Variants in RB1CC1 observed in about 807,000 individuals in gnomAD.
RB1CC1 encodes the protein RB1-inducible coiled-coil protein 1.
RB1CC1 carries 46 observed loss-of-function variants against 177.5 expected under a neutral mutation model. The ratio of observed to expected loss-of-function variants is 0.26; its 90% CI spans 0.20 to 0.33. RB1CC1 has a LOEUF of 0.33. Among genes scored for constraint, RB1CC1 ranks in the 10% least tolerant of loss-of-function variants. The pLI, the probability that RB1CC1 is intolerant of heterozygous loss-of-function variation, is 1.00. For missense variants in RB1CC1, 1,703 were observed against 1,816.3 expected (o/e 0.94, Z 1.13); for synonymous variants, 666 against 613.6 (o/e 1.09, Z -1.26).
At chr8:52,682,168 G>A (rs182058113) in intron 5 of RB1CC1, among the ~76,000 whole-genome samples, 13 of 152,324 alleles carry the variant, frequency 8.5e-5, no homozygotes, top group African/African-American at 2.6e-4. Context: ...TCTTGTATTA[G>A]TGAGACCTAG....
chr8:52,675,712 TCCAAAAAAAAAAA>T (rs1853048307), intron 6 of RB1CC1, among the ~76,000 whole-genome samples: 1 of 48,422 alleles, frequency 2.1e-5, no homozygotes, highest in Admixed American at 2.8e-4. Flanking sequence ...CTACTAAAAA[TCCAAAAAAAAAAA>T]AAAAAAAAAA....
At chr8:52,678,179 G>C (rs913389745) in intron 5 of RB1CC1, among the ~76,000 whole-genome samples, 1 of 152,100 alleles carries the variant, frequency 6.6e-6, no homozygotes, top group East Asian at 1.9e-4. Context: ...AGTACTTTGG[G>C]AGGCTGAGGC....
At chr8:52,640,713 T>C (rs1329275920) in intron 18 of RB1CC1, among the ~76,000 whole-genome samples, 1 of 152,188 alleles carries the variant, frequency 6.6e-6, no homozygotes, top group African/African-American at 2.4e-5. Flanking sequence ...GACATATTTA[T>C]GTCATTCATG....
intron 7 of RB1CC1, among the ~76,000 whole-genome samples, chr8:52,669,954 TA>T (rs199995178): frequency 1.3e-5 from 2 of 151,182 alleles, no homozygotes; most frequent in South Asian, 4.2e-4. Context: ...CACAACTTCC[TA>T]AAAAAAATTT....
chr8:52,676,807 G>T (rs971518766), intron 5 of RB1CC1, among the ~76,000 whole-genome samples: 10 of 152,236 alleles, frequency 6.6e-5, no homozygotes, highest in East Asian at 5.8e-4. Context: ...TCCATAAGAC[G>T]CTACCTCTGA....
At chr8:52,713,316 G>A (rs1857212574) in intron 1 of RB1CC1, among the ~76,000 whole-genome samples, 1 of 152,158 alleles carries the variant, frequency 6.6e-6, no homozygotes, top group Non-Finnish European at 1.5e-5. Context: ...ACTAGATTAC[G>A]AAACCATAAA....
At chr8:52,629,980 A>G (rs1320919091) in intron 21 of RB1CC1, among the ~76,000 whole-genome samples, 1 of 152,156 alleles carries the variant, frequency 6.6e-6, no homozygotes, top group East Asian at 1.9e-4. Context: ...GCTGTGTCAC[A>G]GGCCATGGTC....
At chr8:52,638,460 A>G (rs368251508) in intron 18 of RB1CC1, among the ~76,000 whole-genome samples, 37 of 152,294 alleles carry the variant, frequency 2.4e-4, no homozygotes, top group African/African-American at 7.9e-4. Flanking sequence ...GTATTAGTAT[A>G]TAATACTGGC....
At chr8:52,699,662 A>G (rs910092377) in intron 1 of RB1CC1, among the ~76,000 whole-genome samples, 1 of 149,014 alleles carries the variant, frequency 6.7e-6, no homozygotes, top group African/African-American at 2.5e-5. Flanking sequence ...AAAAAAAAAA[A>G]TACAAAATTA....
chr8:52,651,393 A>G (rs1299926248), intron 15 of RB1CC1, among the ~76,000 whole-genome samples: 1 of 152,244 alleles, frequency 6.6e-6, no homozygotes, highest in Non-Finnish European at 1.5e-5. Context: ...AAAATGGTAC[A>G]GTTGGGTAGT....
intron 15 of RB1CC1, among the ~76,000 whole-genome samples, chr8:52,653,365 A>G (rs1260996236): frequency 6.6e-6 from 1 of 152,226 alleles, no homozygotes; most frequent in East Asian, 1.9e-4. Context: ...ATGTGGCTCT[A>G]TCACAAGCAA....
Position 52,642,643 on chromosome 8 carries a change from T to A in RB1CC1, c.4097-52A>T, listed in dbSNP as rs373831954. 34 of 1,594,954 alleles carry A rather than the reference T, an allele frequency of 2.1e-5. No individual in the cohort carries two copies. The African/African-American group carries it at 4.3e-4, about 20-fold the overall frequency. ...TATCATGTAATTAAAAAAACCACTT[T>A]GCATGAATGTATCTTTTCCACTTTA... is the stretch of plus-strand genomic sequence containing the variant. On this transcript the variant is annotated intron_variant, in intron 17 of 23. Coordinates refer to ENST00000025008, the MANE Select transcript of RB1CC1 (RefSeq NM_014781.5).
At chr8:52,629,843 C>T (rs1359641251) in intron 21 of RB1CC1, among the ~76,000 whole-genome samples, 1 of 152,098 alleles carries the variant, frequency 6.6e-6, no homozygotes, top group East Asian at 1.9e-4. Flanking sequence ...TTTCATTTGT[C>T]CCACCTTTCT....
At chr8:52,671,518 C>T (rs1852599557) in intron 7 of RB1CC1, among the ~76,000 whole-genome samples, 1 of 151,952 alleles carries the variant, frequency 6.6e-6, no homozygotes, top group African/African-American at 2.4e-5. Context: ...CAGAAATGCC[C>T]CTAGTCTTAT....
In RB1CC1 at chr8:52,688,370, T is replaced by G. The variant is rs570465054; in HGVS notation, c.-166-1403A>C. 1.2e-4 allele frequency among the ~76,000 whole-genome samples: 18 copies of G among 152,258 alleles called. 1 individual carries two copies. The South Asian group carries it at 3.7e-3, about 32-fold the overall frequency. ...ATTAATACCCTGGGAAAGGAATGCATTCCTGTGGGGAGGTCTACAAATGGC... is the reference window on the plus strand; with the variant it reads ...ATTAATACCCTGGGAAAGGAATGCAGTCCTGTGGGGAGGTCTACAAATGGC... On this transcript the variant is annotated intron_variant, in intron 1 of 23. Transcript: ENST00000025008.
chr8:52,676,595 GAAAGTA>G, intron 5 of RB1CC1, 24 bp from the exon 6 acceptor site: 1 of 1,573,034 alleles, frequency 6.4e-7, no homozygotes, highest in Non-Finnish European at 8.7e-7. Context: ...GAATACAAAA[GAAAGTA>G]AAAGAAGGCA....
intron 8 of RB1CC1, among the ~76,000 whole-genome samples, chr8:52,663,277 C>T (rs1025162629): frequency 1.6e-4 from 24 of 151,966 alleles, no homozygotes; most frequent in African/African-American, 5.6e-4. Flanking sequence ...TGCTGATAAC[C>T]CTCAAGGATA....
Position 52,657,743 on chromosome 8 carries a change from C to G in RB1CC1, c.2086G>C (p.Asp696His), listed in dbSNP as rs756540807. 10 of 1,613,828 alleles carry G rather than the reference C, an allele frequency of 6.2e-6. No homozygotes were observed. Among genetic ancestry groups the G allele is most frequent in the Non-Finnish European group, 6.8e-6 (8 of 1,179,990 alleles). Residue 696 changes from aspartate to histidine, a missense_variant, in exon 15 of 24, where the codon GAT (aspartate) becomes CAT (histidine). Asp to His is a moderately conservative substitution (Grantham distance 81). Coordinates refer to ENST00000025008, the MANE Select transcript of RB1CC1 (RefSeq NM_014781.5). ...PLEELSPDSI[D>H]AHTFDFETIP... ...GTTTCAAAATCAAACGTATGTGCAT[C>G]AATACTATCTGGAGATAATTCTTCT... is the stretch of plus-strand genomic sequence containing the variant.
At chr8:52,631,649 T>C (rs185462497) in intron 20 of RB1CC1, among the ~76,000 whole-genome samples, 2 of 152,328 alleles carry the variant, frequency 1.3e-5, no homozygotes, top group African/African-American at 2.4e-5. Flanking sequence ...TCATTTATCA[T>C]GACCTACACG....
Sources: allele counts gnomAD v4.1 joint callset (sites outside exome capture counted in the v4.1 genomes callset), GRCh38; gene constraint gnomAD v4.1.1; transcripts MANE v1.5; gene names NCBI Gene and HGNC (gene_info 2026-07-23, HGNC 2026-07-21).